QSOX1: variants seen among roughly 807,000 people sequenced by gnomAD.
The protein encoded by QSOX1 is quiescin sulfhydryl oxidase 1.
In QSOX1, 40 loss-of-function variants were observed where a neutral mutation model predicts 76.1. The observed-to-expected ratio is 0.53, with a 90% CI of 0.41 to 0.68. QSOX1 has a LOEUF of 0.68. Ranked by LOEUF, QSOX1 falls within the 30% of genes least tolerant of loss-of-function variation. The pLI is 0.00. For synonymous variants in QSOX1, 392 were observed against 413.1 expected, an observed-to-expected ratio of 0.95 and a Z score of 0.62; for missense variants, 931 against 974.3, an observed-to-expected ratio of 0.96 and a Z score of 0.59.
At chr1:180,189,732 G>GT (rs1394098537) in intron 9 of QSOX1, 58 bp downstream of exon 9, 1 of 1,552,740 alleles carries the variant, frequency 6.4e-7, no homozygotes, top group Non-Finnish European at 8.7e-7. Flanking sequence ...AGAGTGCAAG[G>GT]GGTTAACCCT....
chr1:180,183,350 CT>C (rs1464930202), intron 6 of QSOX1, among the ~76,000 whole-genome samples: 8 of 139,206 alleles, frequency 5.7e-5, no homozygotes, highest in African/African-American at 8.1e-5. Flanking sequence ...TGGAGGACTC[CT>C]CCCTGTCGGA....
chr1:180,175,167 AAAG>A (rs1183437314), intron 2 of QSOX1, among the ~76,000 whole-genome samples, 151 bp from the exon 3 acceptor site: 41 of 151,218 alleles, frequency 2.7e-4, no homozygotes, highest in South Asian at 4.2e-4. Flanking sequence ...AAAAAAAAAA[AAAG>A]AAAGAAAGAA....
chr1:180,190,400 C>T (rs776867509), intron 9 of QSOX1, 33 bp from the exon 10 acceptor site: 2 of 1,598,444 alleles, frequency 1.3e-6, no homozygotes, highest in East Asian at 4.5e-5. Flanking sequence ...TTTTCCTTCT[C>T]CATATGTGCA....
intron 4 of QSOX1, among the ~76,000 whole-genome samples, chr1:180,176,287 C>T (rs1343277409): frequency 1.3e-5 from 2 of 152,212 alleles, no homozygotes; most frequent in Non-Finnish European, 2.9e-5. Flanking sequence ...TGCAAGGGTC[C>T]ATCCCACCAG....
intron 1 of QSOX1, among the ~76,000 whole-genome samples, chr1:180,165,776 A>G (rs891268105): frequency 2.6e-5 from 4 of 152,248 alleles, no homozygotes; most frequent in East Asian, 1.9e-4. Context: ...GCTGCCTGGT[A>G]TATGAGCTTG....
Position 180,197,016 on chromosome 1 carries a change from T to C in QSOX1, c.2223T>C (p.His741=). The part of the protein sequence containing the change: ...FQAKIRALKG[H]AGHPAA Reference sequence around the variant, plus strand: ...CCAAGATAAGGGCCCTGAAGGGCCATGCTGGCCACCCTGCAGCCTGAACCA... The same window carrying C: ...CCAAGATAAGGGCCCTGAAGGGCCACGCTGGCCACCCTGCAGCCTGAACCA... Residue 741 remains histidine, a synonymous_variant, in exon 12 of 12, where the codon CAT becomes CAC. Transcript: ENST00000367602. 1 of 1,611,172 alleles carries C rather than the reference T, an allele frequency of 6.2e-7. No individual in the cohort carries two copies. The highest frequency in any genetic ancestry group is 8.5e-7 in the Non-Finnish European group (1 of 1,178,678).
intron 2 of QSOX1, among the ~76,000 whole-genome samples, chr1:180,174,498 T>G (rs1255172531): frequency 2.0e-5 from 3 of 152,192 alleles, no homozygotes; most frequent in East Asian, 3.9e-4. Context: ...GGGCTGGGAC[T>G]TAGTGGACAG....
At position 180,154,945 on chromosome 1, in the gene QSOX1, C is replaced by CGCTGCT. The variant is rs760402375; in HGVS notation, c.52_57dup (p.Leu18_Leu19dup). The stretch of plus-strand genomic sequence containing the variant: ...AACAGCGGCTCCGGGCCGCCGCCGT[C>CGCTGCT]GCTGCTGCTGCTGCTGCTGTGGCTG... On this transcript the variant is annotated inframe_insertion, in exon 1 of 12. Transcript: ENST00000367602. The CGCTGCT allele has an allele frequency of 4.1e-5, 61 of 1,482,104 alleles. No homozygotes were observed. The highest frequency in any genetic ancestry group is 3.1e-4 in the African/African-American group (21 of 67,938). 91.8% of individuals were successfully genotyped at this position (1,482,104 alleles called of 1,614,324 possible).
intron 11 of QSOX1, among the ~76,000 whole-genome samples, chr1:180,195,284 G>T (rs190474563): frequency 6.6e-6 from 1 of 152,058 alleles, no homozygotes; most frequent in South Asian, 2.1e-4. Flanking sequence ...CTCTGGTGGG[G>T]TCCTTTCAGA....
chr1:180,174,638 A>G (rs1662839784), intron 2 of QSOX1, among the ~76,000 whole-genome samples: 1 of 152,234 alleles, frequency 6.6e-6, no homozygotes, highest in African/African-American at 2.4e-5. Context: ...CTGCAAAGGA[A>G]AACAGCAGTG....
At chr1:180,193,438 A>C (rs1402251667) in intron 10 of QSOX1, among the ~76,000 whole-genome samples, 1 of 151,528 alleles carries the variant, frequency 6.6e-6, no homozygotes, top group East Asian at 2.0e-4. Flanking sequence ...AGGAGTGAGG[A>C]GAGTAGGGTG....
chr1:180,183,170 A>G (rs896136874), intron 6 of QSOX1, among the ~76,000 whole-genome samples: 1 of 151,678 alleles, frequency 6.6e-6, no homozygotes, highest in African/African-American at 2.4e-5. Context: ...CTGCCTCCCG[A>G]GCCATCTGCT....
chr1:180,162,239 A>G (rs1662508086), intron 1 of QSOX1, among the ~76,000 whole-genome samples: 1 of 152,256 alleles, frequency 6.6e-6, no homozygotes, highest in African/African-American at 2.4e-5. Flanking sequence ...AAAGAAGATT[A>G]AACATCATTT....
intron 4 of QSOX1, among the ~76,000 whole-genome samples, chr1:180,177,863 G>C (rs1001682044): frequency 3.1e-5 from 3 of 97,328 alleles, no homozygotes; most frequent in African/African-American, 1.1e-4. Flanking sequence ...GTTTTTGTTT[G>C]TTTTGTTTTG....
intron 6 of QSOX1, among the ~76,000 whole-genome samples, chr1:180,182,827 A>G (rs952102954): frequency 2.0e-5 from 3 of 152,162 alleles, no homozygotes; most frequent in Non-Finnish European, 4.4e-5. Flanking sequence ...ATGGCACCAG[A>G]TGGTGCCTTG....
rs567631716 is a variant in QSOX1 at position 180,196,872 on chromosome 1, C to A, written c.2079C>A (p.Gly693=). Residue 693 remains glycine, a synonymous_variant, in exon 12 of 12, where the codon GGC becomes GGA. Transcript: ENST00000367602. The surrounding 1 kb of genome is among the most constrained non-coding windows in gnomAD (Gnocchi z 4.1). ...EGQLEARAGR[G]RGQWLQVLGG... is the part of the protein sequence containing the mutation. ...AGCTGGAGGCCCGAGCTGGACGGGG[C>A]CGAGGCCAGTGGCTGCAGGTGCTGG... The A allele has an allele frequency of 4.4e-6, 7 of 1,597,116 alleles. No individual in the cohort carries two copies. The African/African-American group carries it at 8.0e-5, about 18-fold the overall frequency.
At chr1:180,185,997 G>C in intron 7 of QSOX1, 56 bp from the exon 8 acceptor site, 1 of 1,594,686 alleles carries the variant, frequency 6.3e-7, no homozygotes. Flanking sequence ...GCTCCTTGCA[G>C]CCCCTGCACC....
At chr1:180,172,158 C>T (rs1433443928) in intron 2 of QSOX1, among the ~76,000 whole-genome samples, 1 of 151,986 alleles carries the variant, frequency 6.6e-6, no homozygotes, top group Non-Finnish European at 1.5e-5. Context: ...CCCCATCCTC[C>T]TTCCCTTCCC....
At position 180,178,869 on chromosome 1, in the gene QSOX1, C is replaced by T; in HGVS notation, c.591C>T (p.Ser197=). ...YLALIFEKGG[S]YLGREVALDL... ...CTCTGATCTTTGAAAAGGGAGGCTC[C>T]TACCTGGGTAGAGAGGTGAGCTGCC... is the stretch of plus-strand genomic sequence containing the variant. The change falls in exon 5 of 12, where the codon TCC becomes TCT. Residue 197 remains serine, a synonymous_variant. Coordinates refer to ENST00000367602, the MANE Select transcript of QSOX1 (RefSeq NM_002826.5). 6.2e-7 allele frequency: 1 copy of T among 1,613,762 alleles called. No homozygotes were observed.
Sources: gnomAD v4.1 joint callset for allele counts (sites outside exome capture counted in the v4.1 genomes callset) on GRCh38, gnomAD v4.1.1 for gene constraint, Gnocchi (gnomAD v3.1) non-coding constraint, MANE v1.5 for transcripts, NCBI Gene and HGNC (gene_info 2026-07-23, HGNC 2026-07-21) for gene names.